The following SLX4IP variants were observed in gnomAD, a reference collection of about 807,000 sequenced individuals.
The protein encoded by SLX4IP is protein SLX4IP.
A neutral mutation model predicts 32.9 loss-of-function variants in SLX4IP; 34 were observed. The ratio of observed to expected loss-of-function variants is 1.03; its 90% CI spans 0.79 to 1.38. The LOEUF (loss-of-function observed/expected upper bound fraction) is 1.38, where lower values mean the gene tolerates loss of function less well. Ranked by LOEUF, SLX4IP falls within the 40% of genes most tolerant of loss-of-function variation. The pLI is 0.00. For synonymous variants in SLX4IP, 172 were observed against 171.7 expected (o/e 1.00, Z -0.01); for missense variants, 444 against 479.0 (o/e 0.93, Z 0.68).
intron 2 of SLX4IP, among the ~76,000 whole-genome samples, chr20:10,521,242 C>T (rs1409833875): frequency 6.6e-6 from 1 of 152,162 alleles, no homozygotes; most frequent in African/African-American, 2.4e-5. Flanking sequence ...CATGGCAGAT[C>T]ATCTTTCTCT....
chr20:10,601,791 A>G lies in SLX4IP; in HGVS notation c.377A>G (p.Asp126Gly). Residue 126 changes from aspartate (D) to glycine (G), a missense_variant, in exon 6 of 8, where the codon GAT (aspartate) becomes GGT (glycine). By Grantham distance (94) the Asp-to-Gly change is moderately conservative. Coordinates refer to ENST00000334534, the MANE Select transcript of SLX4IP (RefSeq NM_001009608.3). ...GTCAGTCAGCTTGCATTCAGTCGTGATCTTTTAGCAAGTCAGAATGAAGAT... is the reference window on the plus strand; with the variant it reads ...GTCAGTCAGCTTGCATTCAGTCGTGGTCTTTTAGCAAGTCAGAATGAAGAT... ...VCVSQLAFSR[D>G]LLASQNEDLT... is the part of the protein sequence containing the mutation. The G allele has an allele frequency of 1.9e-6, 3 of 1,614,016 alleles. No individual in the cohort carries two copies. Among genetic ancestry groups the G allele is most frequent in the Non-Finnish European group, 2.5e-6 (3 of 1,179,920 alleles).
Position 10,623,149 on chromosome 20 carries a change from GT to G in SLX4IP, c.1001del (p.Leu334CysfsTer13), listed in dbSNP as rs2067134959. On this transcript the variant is annotated frameshift_variant, in exon 8 of 8. Transcript: ENST00000334534. LOFTEE classifies it high-confidence loss of function. ...IIVEKSKAVR[V>X]LPASELSDPG... ...AGTGGAAAAAAGCAAAGCTGTCAGG[GT>G]TTTGCCAGCTTCAGAGTTGTCAGAT... is the stretch of plus-strand genomic sequence containing the variant. 2 of 1,614,102 alleles carry G rather than the reference GT, an allele frequency of 1.2e-6. No individual in the cohort carries two copies. The highest frequency in any genetic ancestry group is 8.5e-7 in the Non-Finnish European group (1 of 1,180,054).
rs370961344 is a variant in SLX4IP, at chr20:10,592,834, A to T, written c.239-5841A>T. 2.0e-5 allele frequency among the ~76,000 whole-genome samples: 3 copies of T among 151,894 alleles called. No homozygotes were observed. The East Asian group carries it at 5.8e-4, about 30-fold the overall frequency. On this transcript the variant is annotated intron_variant, in intron 4 of 7. Transcript: ENST00000334534. ...ATTTTAGTAGAGACAGGGTTTCACC[A>T]TGTGAGCCAGGATGGTCTCGATCTC...
chr20:10,535,723 A>G (rs2066036290), intron 2 of SLX4IP, among the ~76,000 whole-genome samples: 1 of 152,180 alleles, frequency 6.6e-6, no homozygotes, highest in Non-Finnish European at 1.5e-5. Context: ...TAATGGAACT[A>G]CCTGTGTTGC....
At chr20:10,469,663 A>G (rs2065408093) in intron 2 of SLX4IP, among the ~76,000 whole-genome samples, 1 of 152,212 alleles carries the variant, frequency 6.6e-6, no homozygotes, top group South Asian at 2.1e-4. Flanking sequence ...AGATGAACTC[A>G]GTAAGCACCT....
chr20:10,467,950 A>G (rs2065394542), intron 2 of SLX4IP, among the ~76,000 whole-genome samples: 1 of 152,164 alleles, frequency 6.6e-6, no homozygotes, highest in Non-Finnish European at 1.5e-5. Context: ...GATAATAGAT[A>G]AACTAGTCTG....
Position 10,598,730 on chromosome 20 carries a change from C to T in SLX4IP, c.294C>T (p.Cys98=). The T allele has an allele frequency of 6.2e-7, 1 of 1,614,138 alleles. No homozygotes were observed. The highest frequency in any genetic ancestry group is 8.5e-7 in the Non-Finnish European group (1 of 1,179,978). ...TCAAGAGAGGGATACGCCTTCGCTG[C>T]ATCAGGAGCACACAGAATGCTGGTA... ...YFLKRGIRLR[C]IRSTQNAELC... Residue 98 remains cysteine, a synonymous_variant, in exon 5 of 8, where the codon TGC becomes TGT. Transcript: ENST00000334534.
chr20:10,459,048 C>T lies in SLX4IP; in HGVS notation c.27+817C>T, dbSNP rs554287146. ...TGTTGTTTCCTGACTTTTTAATAAT[C>T]GCCATTCTCACTGGCGTGAGATGGT... On this transcript the variant is annotated intron_variant, in intron 2 of 7. Coordinates refer to ENST00000334534, the MANE Select transcript of SLX4IP (RefSeq NM_001009608.3). Among the ~76,000 whole-genome samples, 5 of 152,328 alleles carry T rather than the reference C, an allele frequency of 3.3e-5. No individual in the cohort carries two copies. The South Asian group carries it at 8.3e-4, about 25-fold the overall frequency.
chr20:10,556,233 T>C lies in SLX4IP; in HGVS notation c.30T>C (p.Cys10=). 1 of 1,613,214 alleles carries C rather than the reference T, an allele frequency of 6.2e-7. No individual in the cohort carries two copies. Among genetic ancestry groups the C allele is most frequent in the Non-Finnish European group, 8.5e-7 (1 of 1,179,722 alleles). The change falls in exon 3 of 8, where the codon TGT becomes TGC. Residue 10 remains cysteine, a splice_region_variant and synonymous_variant. Coordinates refer to ENST00000334534, the MANE Select transcript of SLX4IP (RefSeq NM_001009608.3). Reference sequence around the variant, plus strand: ...ACTCTGCCATTAATGTCTTTCAGTGTGGGAATTTTGCTGTCCTCGTGGATC... The same window carrying C: ...ACTCTGCCATTAATGTCTTTCAGTGCGGGAATTTTGCTGTCCTCGTGGATC... MASKKFAVK[C]GNFAVLVDLH... is the part of the protein sequence containing the mutation.
intron 2 of SLX4IP, among the ~76,000 whole-genome samples, chr20:10,465,163 A>T (rs4813937): frequency 0.49 from 74,840 of 151,968 alleles, 19,915 homozygotes; most frequent in Non-Finnish European, 0.6. Flanking sequence ...CAGCAGGCGC[A>T]TCTCCCCAAG....
At chr20:10,587,453 C>T (rs537824678) in intron 4 of SLX4IP, among the ~76,000 whole-genome samples, 1 of 152,208 alleles carries the variant, frequency 6.6e-6, no homozygotes, top group South Asian at 2.1e-4. Context: ...CAACACTCTA[C>T]TGGAGGAGTT....
intron 4 of SLX4IP, among the ~76,000 whole-genome samples, chr20:10,580,297 G>A (rs1214421157): frequency 2.0e-5 from 3 of 151,916 alleles, no homozygotes; most frequent in African/African-American, 4.8e-5. Flanking sequence ...AACTCTAGGC[G>A]TCAGTCTACC....
At chr20:10,476,712 T>C (rs969911478) in intron 2 of SLX4IP, among the ~76,000 whole-genome samples, 1 of 152,208 alleles carries the variant, frequency 6.6e-6, no homozygotes, top group Non-Finnish European at 1.5e-5. Flanking sequence ...AAGGGTGCTT[T>C]CTGTAAAATT....
At chr20:10,468,840 A>G (rs534317404) in intron 2 of SLX4IP, among the ~76,000 whole-genome samples, 29 of 152,240 alleles carry the variant, frequency 1.9e-4, no homozygotes, top group South Asian at 1.5e-3. Flanking sequence ...GGTGATATAC[A>G]TCTGCTTTTA....
chr20:10,451,370 A>G (rs549924396), intron 1 of SLX4IP, among the ~76,000 whole-genome samples: 2 of 151,992 alleles, frequency 1.3e-5, no homozygotes, highest in Non-Finnish European at 2.9e-5. Flanking sequence ...CATGTTGGCC[A>G]GGCTGGTCTC....
intron 7 of SLX4IP, among the ~76,000 whole-genome samples, 171 bp from the exon 8 acceptor site, chr20:10,622,488 G>T (rs990410503): frequency 1.3e-5 from 2 of 152,182 alleles, no homozygotes; most frequent in African/African-American, 2.4e-5. Context: ...GATTCAGTCT[G>T]CATTTAAACA....
intron 2 of SLX4IP, among the ~76,000 whole-genome samples, chr20:10,535,700 A>G (rs2066035836): frequency 6.6e-6 from 1 of 152,186 alleles, no homozygotes; most frequent in Admixed American, 6.5e-5. Flanking sequence ...TGAATTCCCA[A>G]ACCAGGAGAG....
intron 2 of SLX4IP, among the ~76,000 whole-genome samples, chr20:10,469,920 T>C (rs904938307): frequency 4.6e-5 from 7 of 152,192 alleles, no homozygotes; most frequent in Admixed American, 4.6e-4. Context: ...CTCACTAGGA[T>C]GTACCACCAC....
chr20:10,448,604 C>T (rs1369865664), intron 1 of SLX4IP, among the ~76,000 whole-genome samples: 6 of 152,122 alleles, frequency 3.9e-5, no homozygotes, highest in Admixed American at 3.3e-4. Context: ...GTTTTCTAGG[C>T]CCATCTGATT....
Sources: gnomAD v4.1 joint callset for allele counts (sites outside exome capture counted in the v4.1 genomes callset) on GRCh38, gnomAD v4.1.1 for gene constraint, MANE v1.5 for transcripts, NCBI Gene and HGNC (gene_info 2026-07-23, HGNC 2026-07-21) for gene names.